Variants in LARP1 observed in about 807,000 individuals in gnomAD.
LARP1 encodes the protein La ribonucleoprotein 1, translational regulator.
A neutral mutation model predicts 122.7 loss-of-function variants in LARP1; 36 were observed. That is an observed-to-expected ratio of 0.29 (90% CI 0.22 to 0.39). LARP1 has a LOEUF of 0.39. Ranked by LOEUF, LARP1 falls within the 10% of genes least tolerant of loss-of-function variation. The probability of loss-of-function intolerance (pLI) is 1.00; values close to 1 mark genes in which losing one functional copy is unlikely to be tolerated. For missense variants in LARP1, 1,040 were observed against 1,403.6 expected (o/e 0.74, Z 4.14); for synonymous variants, 539 against 528.7 (o/e 1.02, Z -0.27).
Position 154,764,154 on chromosome 5 carries a change from C to G in LARP1, c.436+7961C>G, listed in dbSNP as rs375998543. On this transcript the variant is annotated intron_variant, in intron 1 of 18. Transcript: ENST00000518297. Reference sequence around the variant, plus strand: ...TGAAACCCTGCCTCTACTAAACATACAAAAATTAGCTGGGCGTGGTGGCAT... The same window carrying G: ...TGAAACCCTGCCTCTACTAAACATAGAAAAATTAGCTGGGCGTGGTGGCAT... 2.0e-4 allele frequency among the ~76,000 whole-genome samples: 31 copies of G among 151,650 alleles called. No individual in the cohort carries two copies. In the East Asian group the frequency reaches 5.3e-3, roughly 26 times the overall value.
chr5:154,745,143 G>A (rs572756609), intron 1 of LARP1, among the ~76,000 whole-genome samples: 1 of 150,570 alleles, frequency 6.6e-6, no homozygotes, highest in East Asian at 2.0e-4. Context: ...AGCCAGGATG[G>A]TCTCGATCTC....
At chr5:154,783,937 G>A (rs1046382576) in intron 1 of LARP1, among the ~76,000 whole-genome samples, 3 of 152,146 alleles carry the variant, frequency 2.0e-5, no homozygotes, top group African/African-American at 7.2e-5. Context: ...TGCTCCCAAG[G>A]GTTATACAAC....
intron 3 of LARP1, 147 bp downstream of exon 3, chr5:154,790,857 GC>G: frequency 2.6e-6 from 2 of 764,714 alleles, no homozygotes; most frequent in Admixed American, 2.4e-5. Context: ...CACTCTTTTT[GC>G]CCAGGTTGGA....
intron 1 of LARP1, among the ~76,000 whole-genome samples, chr5:154,701,147 G>GT (rs1266922630): frequency 6.6e-6 from 1 of 151,958 alleles, no homozygotes; most frequent in African/African-American, 2.4e-5. Flanking sequence ...TTGTTTGTTT[G>GT]TTTTTTGTCT....
At chr5:154,795,773 A>G (rs1352379774) in intron 8 of LARP1, among the ~76,000 whole-genome samples, 1 of 145,252 alleles carries the variant, frequency 6.9e-6, no homozygotes, top group African/African-American at 2.5e-5. Context: ...GTTCCTTAAT[A>G]TCATCAAATA....
At chr5:154,784,638 A>T (rs1756740735) in intron 1 of LARP1, among the ~76,000 whole-genome samples, 1 of 152,148 alleles carries the variant, frequency 6.6e-6, no homozygotes, top group South Asian at 2.1e-4. Flanking sequence ...TGAATAGCTC[A>T]GCCTTTTCTC....
chr5:154,690,964 A>G (rs909760491), intron 1 of LARP1, among the ~76,000 whole-genome samples: 3 of 152,234 alleles, frequency 2.0e-5, no homozygotes, highest in Non-Finnish European at 2.9e-5. Context: ...AATTGCATCA[A>G]GAAAGAGTAT....
chr5:154,764,730 C>T (rs1754781361), intron 1 of LARP1, among the ~76,000 whole-genome samples: 1 of 150,798 alleles, frequency 6.6e-6, no homozygotes. Context: ...CATGGTGAAA[C>T]CCAGTCTCTA....
upstream of LARP1, among the ~76,000 whole-genome samples, chr5:154,709,204 G>A (rs1336287734): frequency 6.6e-6 from 1 of 152,204 alleles, no homozygotes; most frequent in African/African-American, 2.4e-5. Flanking sequence ...AATAGTAAAG[G>A]CTTCTTAGCT....
intron 1 of LARP1, among the ~76,000 whole-genome samples, chr5:154,727,087 T>A (rs919538597): frequency 6.6e-6 from 1 of 152,146 alleles, no homozygotes. Context: ...ATAATACATA[T>A]TTTATATGAA....
chr5:154,703,622 A>T (rs1754821366), intron 1 of LARP1, among the ~76,000 whole-genome samples: 1 of 151,874 alleles, frequency 6.6e-6, no homozygotes, highest in Non-Finnish European at 1.5e-5. Flanking sequence ...TCTAAAAAAC[A>T]TTTTTTTGTT....
chr5:154,776,575 C>A (rs1177312463), intron 1 of LARP1, among the ~76,000 whole-genome samples: 1 of 152,214 alleles, frequency 6.6e-6, no homozygotes, highest in South Asian at 2.1e-4. Context: ...CACTCATTGG[C>A]AGCTCAGTTC....
chr5:154,773,703 T>TG (rs1755629344), intron 1 of LARP1, among the ~76,000 whole-genome samples: 1 of 152,182 alleles, frequency 6.6e-6, no homozygotes. Context: ...TGGAACTACT[T>TG]GAAGTACAAA....
intron 1 of LARP1, among the ~76,000 whole-genome samples, chr5:154,703,960 T>C (rs548561944): frequency 6.6e-6 from 1 of 152,104 alleles, no homozygotes; most frequent in South Asian, 2.1e-4. Context: ...TCAACAAGCA[T>C]TGATTGAGTG....
rs546099048 is a variant in LARP1, at chr5:154,771,319, C to G, written c.436+15126C>G. ...GCTAATCTCATGATTATTGAACTTT[C>G]AAGCTACCACACACTCCTATTCACT... On this transcript the variant is annotated intron_variant, in intron 1 of 18. Coordinates refer to ENST00000518297, the MANE Select transcript of LARP1 (RefSeq NM_033551.3). Among the ~76,000 whole-genome samples the G allele has an allele frequency of 6.6e-5, 10 of 152,282 alleles. No homozygotes were observed. In the South Asian group the frequency reaches 2.1e-3, roughly 32 times the overall value.
intron 1 of LARP1, among the ~76,000 whole-genome samples, chr5:154,745,620 C>G (rs1049844922): frequency 1.1e-4 from 16 of 152,116 alleles, no homozygotes; most frequent in Non-Finnish European, 2.1e-4. Context: ...CTGAGACTAT[C>G]GAACACTTTC....
Position 154,802,424 on chromosome 5 carries a change from T to G in LARP1, c.2109+25T>G. 6.4e-7 allele frequency: 1 copy of G among 1,561,374 alleles called. No individual in the cohort carries two copies. The highest frequency in any genetic ancestry group is 2.3e-5 in the East Asian group (1 of 44,392). On this transcript the variant is annotated intron_variant, in intron 11 of 18. Coordinates refer to ENST00000518297, the MANE Select transcript of LARP1 (RefSeq NM_033551.3). The surrounding 1 kb of genome is among the most constrained non-coding windows in gnomAD (Gnocchi z 5.1). ...GGTGAGGCTTGGACATAGCAGTGAG[T>G]GTGGAGCCTGGTGTGCCTGTATTGT...
chr5:154,770,885 G>A (rs2113659338), intron 1 of LARP1, among the ~76,000 whole-genome samples: 1 of 152,258 alleles, frequency 6.6e-6, no homozygotes, highest in South Asian at 2.1e-4. Flanking sequence ...GGCCGAGGCA[G>A]GTGGATCACC....
chr5:154,727,075 A>T (rs1298345506), intron 1 of LARP1, among the ~76,000 whole-genome samples: 1 of 152,224 alleles, frequency 6.6e-6, no homozygotes, highest in Non-Finnish European at 1.5e-5. Flanking sequence ...TATTCAGCAC[A>T]TATAATACAT....
Sources: allele counts gnomAD v4.1 joint callset (sites outside exome capture counted in the v4.1 genomes callset), GRCh38; gene constraint gnomAD v4.1.1; non-coding constraint Gnocchi (gnomAD v3.1); transcripts MANE v1.5; gene names NCBI Gene and HGNC (gene_info 2026-07-23, HGNC 2026-07-21).